AGPAT4: variants seen among roughly 807,000 people sequenced by gnomAD.
The protein encoded by AGPAT4 is 1-acylglycerol-3-phosphate O-acyltransferase 4.
Under a neutral mutation model 48.0 loss-of-function variants are expected in AGPAT4, and 15 were observed. The observed-to-expected ratio is 0.31, with a 90% CI of 0.21 to 0.48. AGPAT4 has a LOEUF of 0.48. Among genes scored for constraint, AGPAT4 ranks in the 20% least tolerant of loss-of-function variants. AGPAT4 has a pLI of 0.99. For synonymous variants in AGPAT4, 178 were observed against 198.7 expected, an observed-to-expected ratio of 0.90 and a Z score of 0.88; for missense variants, 314 against 482.5, an observed-to-expected ratio of 0.65 and a Z score of 3.27.
chr6:161,250,610 T>C (rs1782780400), intron 1 of AGPAT4, among the ~76,000 whole-genome samples: 1 of 152,154 alleles, frequency 6.6e-6, no homozygotes, highest in Non-Finnish European at 1.5e-5. Context: ...GGGTTATTTC[T>C]TTGCAATATA....
At chr6:161,203,741 A>C (rs989361962) in intron 2 of AGPAT4, among the ~76,000 whole-genome samples, 2 of 151,740 alleles carry the variant, frequency 1.3e-5, no homozygotes, top group African/African-American at 4.8e-5. Context: ...TGGCTGGGAG[A>C]GTTTTCTTTG....
intron 2 of AGPAT4, among the ~76,000 whole-genome samples, chr6:161,181,290 G>A (rs1389782640): frequency 2.0e-5 from 3 of 152,124 alleles, no homozygotes; most frequent in Non-Finnish European, 4.4e-5. Context: ...CGGGCTGCCT[G>A]CTGCTCCCAT....
intron 2 of AGPAT4, among the ~76,000 whole-genome samples, chr6:161,190,558 T>C (rs771812686): frequency 3.1e-4 from 44 of 143,508 alleles, no homozygotes; most frequent in Admixed American, 7.3e-4. Flanking sequence ...AGAGAGCTCA[T>C]GGGAAGCTTT....
rs186520811 is a variant in AGPAT4 at position 161,264,424 on chromosome 6, C to G, written c.-90+9514G>C. ...TGGCCCACTCCTCTGGTCTCTGGCA[C>G]TCCGTGAGAAGCGTGCACACTGGGA... On this transcript the variant is annotated intron_variant, in intron 1 of 8. Coordinates refer to ENST00000320285, the MANE Select transcript of AGPAT4 (RefSeq NM_020133.3). The surrounding 1 kb of genome is among the most constrained non-coding windows in gnomAD (Gnocchi z 6.8). Among the ~76,000 whole-genome samples, 1 of 152,316 alleles carries G rather than the reference C, an allele frequency of 6.6e-6. No homozygotes were observed. Among genetic ancestry groups the G allele is most frequent in the African/African-American group, 2.4e-5 (1 of 41,576 alleles).
chr6:161,155,431 C>G lies in AGPAT4; in HGVS notation c.349-1121G>C, dbSNP rs1156662230. On this transcript the variant is annotated intron_variant, in intron 3 of 8. Transcript: ENST00000320285. This position sits in a 1 kb window ranked among gnomAD's most constrained non-coding sequence, Gnocchi z 5.8. ...AGAGCTCCGGCTTCAACACAGCCCT[C>G]TCTCCTCTCCTCCCCGTTACACCCA... 1.3e-5 allele frequency among the ~76,000 whole-genome samples: 2 copies of G among 152,154 alleles called. No homozygotes were observed. The highest frequency in any genetic ancestry group is 3.9e-4 in the East Asian group (2 of 5,188).
At chr6:161,172,366 G>A (rs983483710) in intron 2 of AGPAT4, among the ~76,000 whole-genome samples, 2 of 152,212 alleles carry the variant, frequency 1.3e-5, no homozygotes, top group Non-Finnish European at 2.9e-5. Flanking sequence ...CACCTGCCGA[G>A]CACAGGGGGC....
Position 161,242,264 on chromosome 6 carries a change from G to A in AGPAT4, c.-89-9962C>T, listed in dbSNP as rs1359052536. ...GGGGCCCGGCCTGGGCCAGTCTCAC[G>A]CTTTTAACCAGTCTCACGCTCTTAA... On this transcript the variant is annotated intron_variant, in intron 1 of 8. Transcript: ENST00000320285. This position sits in a 1 kb window ranked among gnomAD's most constrained non-coding sequence, Gnocchi z 5.0. Among the ~76,000 whole-genome samples the A allele has an allele frequency of 3.3e-5, 5 of 152,234 alleles. No individual in the cohort carries two copies. The highest frequency in any genetic ancestry group is 5.9e-5 in the Non-Finnish European group (4 of 68,052).
Position 161,251,019 on chromosome 6 carries a change from A to G in AGPAT4, c.-89-18717T>C, listed in dbSNP as rs558503540. Reference sequence around the variant, plus strand: ...AGTGACCAACTTTTTCAGTTTGTTTATTTTTATTCTTAGCTTATTGGAGGT... The same window carrying G: ...AGTGACCAACTTTTTCAGTTTGTTTGTTTTTATTCTTAGCTTATTGGAGGT... On this transcript the variant is annotated intron_variant, in intron 1 of 8. Coordinates refer to ENST00000320285, the MANE Select transcript of AGPAT4 (RefSeq NM_020133.3). The surrounding 1 kb of genome is among the most constrained non-coding windows in gnomAD (Gnocchi z 4.6). Among the ~76,000 whole-genome samples the G allele has an allele frequency of 6.6e-6, 1 of 152,200 alleles. No individual in the cohort carries two copies. Among genetic ancestry groups the G allele is most frequent in the Non-Finnish European group, 1.5e-5 (1 of 67,984 alleles).
chr6:161,257,409 G>A (rs1433007461), intron 1 of AGPAT4, among the ~76,000 whole-genome samples: 1 of 152,166 alleles, frequency 6.6e-6, no homozygotes, highest in Non-Finnish European at 1.5e-5. Flanking sequence ...ATCACTGATT[G>A]TCTGAGCTAC....
rs755726310 is a variant in AGPAT4 at position 161,136,512 on chromosome 6, T to C, written c.*28A>G. The C allele has an allele frequency of 5.0e-6, 8 of 1,598,806 alleles. No homozygotes were observed. Among genetic ancestry groups the C allele is most frequent in the Non-Finnish European group, 6.9e-6 (8 of 1,166,390 alleles). On this transcript the variant is annotated 3_prime_UTR_variant, in exon 9 of 9. Transcript: ENST00000320285. ...GCAGAGGCCACCAGTTCCCCAAGGT[T>C]CCCTTCGGATGGTGACACCTCCCTG...
At position 161,232,269 on chromosome 6, in the gene AGPAT4, A is replaced by G. The variant is rs1782144016; in HGVS notation, c.-56T>C. On this transcript the variant is annotated 5_prime_UTR_variant, in exon 2 of 9. Transcript: ENST00000320285. This position sits in a 1 kb window ranked among gnomAD's most constrained non-coding sequence, Gnocchi z 6.8. ...TAACTACCCACAGTCAAAGATTTCCAGAAGGAAGAAAGATCCAGGACTCAG... is the reference window on the plus strand; with the variant it reads ...TAACTACCCACAGTCAAAGATTTCCGGAAGGAAGAAAGATCCAGGACTCAG... 3.9e-6 allele frequency: 6 copies of G among 1,542,792 alleles called. No homozygotes were observed. Among genetic ancestry groups the G allele is most frequent in the Admixed American group, 3.6e-5 (2 of 55,056 alleles).
rs1562367205 is a variant in AGPAT4, at chr6:161,273,986, G to A, written c.-138C>T. The A allele has an allele frequency of 6.6e-6, 1 of 152,028 alleles. No individual in the cohort carries two copies. Among genetic ancestry groups the A allele is most frequent in the Non-Finnish European group, 1.5e-5 (1 of 68,080 alleles). The allele number at this position is 152,028 out of a possible 1,614,324, so 9.4% of individuals were successfully genotyped here. The stretch of plus-strand genomic sequence containing the variant: ...CATGGACTTAGAAACCAGAAGCTGA[G>A]ATGGAGCCGGCTGGGTTCAGAAATT... On this transcript the variant is annotated 5_prime_UTR_variant, in exon 1 of 9. Transcript: ENST00000320285.
chr6:161,238,011 A>G lies in AGPAT4; in HGVS notation c.-89-5709T>C, dbSNP rs1035768322. On this transcript the variant is annotated intron_variant, in intron 1 of 8. Coordinates refer to ENST00000320285, the MANE Select transcript of AGPAT4 (RefSeq NM_020133.3). The surrounding 1 kb of genome is among the most constrained non-coding windows in gnomAD (Gnocchi z 5.2). Reference sequence around the variant, plus strand: ...AGACAAGAGAAATTCTGAAATGTGCAGGCAACGCGAGACCACCTGGAAGCC... The same window carrying G: ...AGACAAGAGAAATTCTGAAATGTGCGGGCAACGCGAGACCACCTGGAAGCC... Among the ~76,000 whole-genome samples the G allele has an allele frequency of 7.1e-6, 1 of 140,606 alleles. No individual in the cohort carries two copies. The highest frequency in any genetic ancestry group is 2.5e-4 in the South Asian group (1 of 4,012). 92.2% of individuals were successfully genotyped at this position (140,606 alleles called of 152,430 possible). A position where few individuals can be genotyped will look rare whatever the true frequency, so the allele number is the denominator to read the frequency against.
rs752506659 is a variant in AGPAT4, at chr6:161,272,799, A to G, written c.-90+1139T>C. On this transcript the variant is annotated intron_variant, in intron 1 of 8. Transcript: ENST00000320285. This position sits in a 1 kb window ranked among gnomAD's most constrained non-coding sequence, Gnocchi z 4.2. ...ACTGAGAGTCGTTGACTAATCACAGATGAGTTAATCCTTCCACAGTTTTGA... is the reference window on the plus strand; with the variant it reads ...ACTGAGAGTCGTTGACTAATCACAGGTGAGTTAATCCTTCCACAGTTTTGA... Among the ~76,000 whole-genome samples, 1 of 152,126 alleles carries G rather than the reference A, an allele frequency of 6.6e-6. No individual in the cohort carries two copies. The highest frequency in any genetic ancestry group is 1.5e-5 in the Non-Finnish European group (1 of 68,022).
chr6:161,211,939 G>A (rs776633550), intron 2 of AGPAT4, among the ~76,000 whole-genome samples: 6 of 152,122 alleles, frequency 3.9e-5, no homozygotes, highest in Non-Finnish European at 8.8e-5. Flanking sequence ...TCAACTCAAG[G>A]CCCAGAGAGT....
Position 161,223,039 on chromosome 6 carries a change from G to A in AGPAT4, c.178+8997C>T, listed in dbSNP as rs556657496. Among the ~76,000 whole-genome samples the A allele has an allele frequency of 1.3e-3, 203 of 152,214 alleles. No individual in the cohort carries two copies. The highest frequency in any genetic ancestry group is 4.5e-3 in the African/African-American group (187 of 41,528). The stretch of plus-strand genomic sequence containing the variant: ...TGCTGCTTCACGGGGACGTCGCTGC[G>A]CCCTGCACAGGATGGCTGGGCTGTC... On this transcript the variant is annotated intron_variant, in intron 2 of 8. Transcript: ENST00000320285. This position sits in a 1 kb window ranked among gnomAD's most constrained non-coding sequence, Gnocchi z 6.3.
chr6:161,160,697 T>C, intron 3 of AGPAT4: 1 of 326,700 alleles, frequency 3.1e-6, no homozygotes, highest in East Asian at 7.6e-5. Context: ...CGGTCACGGC[T>C]GTCAGGACAC....
Position 161,204,488 on chromosome 6 carries a change from C to A in AGPAT4, c.178+27548G>T, listed in dbSNP as rs975719198. 2.6e-5 allele frequency among the ~76,000 whole-genome samples: 4 copies of A among 152,088 alleles called. No individual in the cohort carries two copies. The highest frequency in any genetic ancestry group is 4.8e-5 in the African/African-American group (2 of 41,418). ...TAAATACTTCAGTTACTATTTAGTA[C>A]CCCCTCCAAAATTCTCCCTTTCCAG... On this transcript the variant is annotated intron_variant, in intron 2 of 8. Coordinates refer to ENST00000320285, the MANE Select transcript of AGPAT4 (RefSeq NM_020133.3). The surrounding 1 kb of genome is among the most constrained non-coding windows in gnomAD (Gnocchi z 4.4).
In AGPAT4 at chr6:161,165,065, G is replaced by A. The variant is rs1042519459; in HGVS notation, c.348+1183C>T. ...CATTCACCCCTGGTATCCATGACGG[G>A]GTTAGGACCATGACATTCTAAGGGG... is the stretch of plus-strand genomic sequence containing the variant. On this transcript the variant is annotated intron_variant, in intron 3 of 8. Coordinates refer to ENST00000320285, the MANE Select transcript of AGPAT4 (RefSeq NM_020133.3). The surrounding 1 kb of genome is among the most constrained non-coding windows in gnomAD (Gnocchi z 5.5). 4.6e-5 allele frequency among the ~76,000 whole-genome samples: 7 copies of A among 152,074 alleles called. No homozygotes were observed. Among genetic ancestry groups the A allele is most frequent in the Admixed American group, 4.6e-4 (7 of 15,272 alleles).
Sources: allele counts gnomAD v4.1 joint callset (sites outside exome capture counted in the v4.1 genomes callset), GRCh38; gene constraint gnomAD v4.1.1; non-coding constraint Gnocchi (gnomAD v3.1); transcripts MANE v1.5; gene names NCBI Gene and HGNC (gene_info 2026-07-23, HGNC 2026-07-21).